Variants in PALD1 observed in about 807,000 individuals in gnomAD.
PALD1 encodes phosphatase domain containing paladin 1.
In PALD1, 57 loss-of-function variants were observed where a neutral mutation model predicts 96.0. That is an observed-to-expected ratio of 0.59 (90% CI 0.48 to 0.74). The LOEUF (loss-of-function observed/expected upper bound fraction) is 0.74. PALD1 is among the 30% of genes least tolerant of loss of function. The pLI is 0.00. For synonymous variants in PALD1, 464 were observed against 473.6 expected (o/e 0.98, Z 0.26); for missense variants, 1,063 against 1,143.7 (o/e 0.93, Z 1.02).
chr10:70,549,798 G>C lies in PALD1; in HGVS notation c.2262+2352G>C, dbSNP rs1476688489. Among the ~76,000 whole-genome samples, 6 of 152,370 alleles carry C rather than the reference G, an allele frequency of 3.9e-5. No individual in the cohort carries two copies. In the East Asian group the frequency reaches 5.8e-4, roughly 15 times the overall value. On this transcript the variant is annotated intron_variant, in intron 18 of 19. Coordinates refer to ENST00000263563, the MANE Select transcript of PALD1 (RefSeq NM_014431.3). ...TGACTGCTTGACTCTGTTGGCATTG[G>C]AGAAGGAAGGTGGCTGGGGCTGTTA...
intron 18 of PALD1, among the ~76,000 whole-genome samples, chr10:70,552,350 G>C (rs1404131500): frequency 6.6e-6 from 1 of 152,162 alleles, no homozygotes; most frequent in African/African-American, 2.4e-5. Flanking sequence ...CTTCTGGGAT[G>C]GGGGGTGATG....
Position 70,529,314 on chromosome 10 carries a change from G to A in PALD1, c.271G>A (p.Glu91Lys). Residue 91 changes from glutamate to lysine, a missense_variant, in exon 3 of 20, where the codon GAG becomes AAG. Transcript: ENST00000263563. ...GGGCCGGCTCTCGGACAACACCCCT[G>A]AGCACTACCTGGTGCAAGTGAGCTC... is the stretch of plus-strand genomic sequence containing the variant. ...TLGRLSDNTP[E>K]HYLVQGRYFL... is the part of the protein sequence containing the mutation. 1.9e-6 allele frequency: 3 copies of A among 1,569,914 alleles called. No individual in the cohort carries two copies. Among genetic ancestry groups the A allele is most frequent in the South Asian group, 1.1e-5 (1 of 89,106 alleles).
At chr10:70,555,819 G>A (rs1847596776) in intron 18 of PALD1, among the ~76,000 whole-genome samples, 1 of 152,154 alleles carries the variant, frequency 6.6e-6, no homozygotes, top group African/African-American at 2.4e-5. Flanking sequence ...TGCTAACACG[G>A]TGAAACCGCT....
chr10:70,533,997 G>C lies in PALD1; in HGVS notation c.946G>C (p.Val316Leu). ...PALVFSCQMG[V>L]GRTNLGMVLG... ...CCTCGTCTTCAGCTGCCAGATGGGCGTGGGCAGGACCAACCTGGGCATGGT... is the reference window on the plus strand; with the variant it reads ...CCTCGTCTTCAGCTGCCAGATGGGCCTGGGCAGGACCAACCTGGGCATGGT... The change falls in exon 8 of 20, where the codon GTG becomes CTG. Residue 316 changes from valine to leucine, a missense_variant. Val to Leu is a conservative substitution (Grantham distance 32, BLOSUM62 1). Transcript: ENST00000263563. The C allele has an allele frequency of 1.9e-6, 3 of 1,613,286 alleles. No individual in the cohort carries two copies. The highest frequency in any genetic ancestry group is 1.7e-4 in the Middle Eastern group (1 of 6,052).
intron 1 of PALD1, among the ~76,000 whole-genome samples, chr10:70,503,081 T>C (rs1846328238): frequency 6.6e-6 from 1 of 151,926 alleles, no homozygotes; most frequent in Non-Finnish European, 1.5e-5. Flanking sequence ...GGTTTCTCCA[T>C]GTTGGTCAGG....
chr10:70,525,433 A>G (rs1846837022), intron 1 of PALD1, among the ~76,000 whole-genome samples: 1 of 151,390 alleles, frequency 6.6e-6, no homozygotes, highest in Non-Finnish European at 1.5e-5. Flanking sequence ...ATTCGTGGCT[A>G]TATGTCCTTC....
chr10:70,533,775 G>C, intron 7 of PALD1, 147 bp from the exon 8 acceptor site: 1 of 654,974 alleles, frequency 1.5e-6, no homozygotes, highest in Non-Finnish European at 2.5e-6. Flanking sequence ...CTGTGGCTTT[G>C]GCAGAAGAGG....
At chr10:70,478,383 G>A (rs561575722), upstream of PALD1, among the ~76,000 whole-genome samples, 533 of 152,350 alleles carry the variant, frequency 3.5e-3, 4 homozygotes, top group African/African-American at 0.012. Flanking sequence ...GGGGGGCGAG[G>A]GAAGCCGGGC....
Position 70,529,311 on chromosome 10 carries a change from C to T in PALD1, c.268C>T (p.Pro90Ser). The part of the protein sequence containing the change: ...YTLGRLSDNT[P>S]EHYLVQGRYF... ...GTTGGGCCGGCTCTCGGACAACACC[C>T]CTGAGCACTACCTGGTGCAAGTGAG... Residue 90 changes from proline (P) to serine (S), a missense_variant, in exon 3 of 20, where the codon CCT becomes TCT. Coordinates refer to ENST00000263563, the MANE Select transcript of PALD1 (RefSeq NM_014431.3). 1.9e-6 allele frequency: 3 copies of T among 1,591,250 alleles called. No homozygotes were observed. Among genetic ancestry groups the T allele is most frequent in the South Asian group, 1.1e-5 (1 of 89,426 alleles).
At chr10:70,547,198 C>T (rs762443816) in intron 17 of PALD1, 108 bp from the exon 18 acceptor site, 12 of 968,012 alleles carry the variant, frequency 1.2e-5, no homozygotes, top group African/African-American at 4.8e-5. Flanking sequence ...CTGTTCAGCG[C>T]CTGGGCCTTA....
At chr10:70,498,343 GGTCCT>G (rs1846230805) in intron 1 of PALD1, among the ~76,000 whole-genome samples, 3 of 152,142 alleles carry the variant, frequency 2.0e-5, no homozygotes, top group Non-Finnish European at 4.4e-5. Context: ...ACAGTGGCAT[GGTCCT>G]AGCTCACTGC....
At chr10:70,479,937 A>C (rs906581103) in intron 1 of PALD1, among the ~76,000 whole-genome samples, 1 of 152,238 alleles carries the variant, frequency 6.6e-6, no homozygotes, top group African/African-American at 2.4e-5. Context: ...ATAAACACAC[A>C]AAGTTCCCCG....
chr10:70,492,649 G>A (rs760229916), intron 1 of PALD1, among the ~76,000 whole-genome samples: 1 of 151,788 alleles, frequency 6.6e-6, no homozygotes, highest in Non-Finnish European at 1.5e-5. Flanking sequence ...TAGAGATGGG[G>A]TTTCACCATG....
At chr10:70,553,428 G>C (rs1187257746) in intron 18 of PALD1, among the ~76,000 whole-genome samples, 1 of 152,176 alleles carries the variant, frequency 6.6e-6, no homozygotes, top group Admixed American at 6.5e-5. Context: ...AGAGCCAGCA[G>C]GGAGTGGGAT....
At chr10:70,518,517 T>G (rs1210270288) in intron 1 of PALD1, among the ~76,000 whole-genome samples, 1 of 152,238 alleles carries the variant, frequency 6.6e-6, no homozygotes, top group African/African-American at 2.4e-5. Context: ...GTCAGTCTTT[T>G]AAATTTGTCA....
chr10:70,462,683 T>A, the PALD1 span, among the ~76,000 whole-genome samples: 1 of 152,252 alleles, frequency 6.6e-6, no homozygotes, highest in African/African-American at 2.4e-5. Flanking sequence ...GCCTGGCAGA[T>A]GCCTTGTGCC....
intron 18 of PALD1, among the ~76,000 whole-genome samples, chr10:70,554,929 TC>T (rs1564710358): frequency 4.7e-4 from 2 of 4,262 alleles, no homozygotes; most frequent in African/African-American, 1.8e-3. Context: ...CCCCTCCCCC[TC>T]CTCCCCCTCC....
chr10:70,537,436 C>CG (rs1345315279), intron 10 of PALD1, among the ~76,000 whole-genome samples: 1 of 152,182 alleles, frequency 6.6e-6, no homozygotes, highest in Admixed American at 6.5e-5. Context: ...GCCTCTGGCT[C>CG]GGGGGTGTTC....
At chr10:70,529,151 T>C in intron 2 of PALD1, 78 bp from the exon 3 acceptor site, 3 of 635,066 alleles carry the variant, frequency 4.7e-6, no homozygotes, top group Non-Finnish European at 8.5e-6. Flanking sequence ...TGCGGTGGGC[T>C]CTGTGAGGGT....
Sources: allele counts gnomAD v4.1 joint callset (sites outside exome capture counted in the v4.1 genomes callset), GRCh38; gene constraint gnomAD v4.1.1; transcripts MANE v1.5; gene names NCBI Gene and HGNC (gene_info 2026-07-23, HGNC 2026-07-21).